AMOTL1: variants seen among roughly 807,000 people sequenced by gnomAD.
The protein encoded by AMOTL1 is angiomotin-like protein 1.
In AMOTL1, 45 loss-of-function variants were observed where a neutral mutation model predicts 102.9. The ratio of observed to expected loss-of-function variants is 0.44; its 90% CI spans 0.34 to 0.56. AMOTL1 has a LOEUF of 0.56. Ranked by LOEUF, AMOTL1 falls within the 20% of genes least tolerant of loss-of-function variation. The pLI is 0.01. For missense variants in AMOTL1, 1,114 were observed against 1,225.6 expected, an observed-to-expected ratio of 0.91 and a Z score of 1.36; for synonymous variants, 481 against 484.7, an observed-to-expected ratio of 0.99 and a Z score of 0.10.
chr11:94,840,684 A>G (rs977744912), intron 6 of AMOTL1, among the ~76,000 whole-genome samples: 1 of 78,818 alleles, frequency 1.3e-5, no homozygotes, highest in Non-Finnish European at 2.9e-5. Flanking sequence ...ATATATATAC[A>G]CACACACACA....
chr11:94,777,472 C>T (rs538803441), intron 1 of AMOTL1, among the ~76,000 whole-genome samples: 1 of 152,286 alleles, frequency 6.6e-6, no homozygotes, highest in Non-Finnish European at 1.5e-5. Flanking sequence ...CAAATTCTAA[C>T]ATTTCTTACT....
chr11:94,767,261 C>T (rs528695448), upstream of AMOTL1, among the ~76,000 whole-genome samples: 42 of 152,240 alleles, frequency 2.8e-4, no homozygotes, highest in African/African-American at 8.9e-4. Flanking sequence ...ATGGAGTAGG[C>T]ATTTCATAAA....
chr11:94,807,542 A>C (rs941620548), intron 3 of AMOTL1, among the ~76,000 whole-genome samples: 2 of 152,198 alleles, frequency 1.3e-5, no homozygotes, highest in African/African-American at 4.8e-5. Flanking sequence ...ACAGAAAACT[A>C]TCAAGAGTAG....
chr11:94,851,544 A>G (rs1227087199), intron 7 of AMOTL1, among the ~76,000 whole-genome samples: 1 of 152,206 alleles, frequency 6.6e-6, no homozygotes. Context: ...TCAGATACTG[A>G]GAGCCTACTG....
intron 8 of AMOTL1, among the ~76,000 whole-genome samples, chr11:94,857,518 A>G (rs553833385): frequency 6.6e-6 from 1 of 152,336 alleles, no homozygotes; most frequent in South Asian, 2.1e-4. Flanking sequence ...TGGGAGGTCA[A>G]ATAGTACTTC....
At chr11:94,780,365 T>C (rs1035210913) in intron 1 of AMOTL1, among the ~76,000 whole-genome samples, 17 of 152,222 alleles carry the variant, frequency 1.1e-4, no homozygotes, top group Non-Finnish European at 1.9e-4. Context: ...CCATGTAGCC[T>C]TTTGTTTTGT....
At chr11:94,732,750 G>T (rs1033273639) in intron 2 of AMOTL1, among the ~76,000 whole-genome samples, 1 of 152,198 alleles carries the variant, frequency 6.6e-6, no homozygotes, top group Non-Finnish European at 1.5e-5. Flanking sequence ...GAATCCTGCT[G>T]TCTGTCATCC....
In AMOTL1 at chr11:94,831,454, C is replaced by G; in HGVS notation, c.1561C>G (p.Arg521Gly). Residue 521 changes from arginine (R) to glycine (G), a missense_variant and splice_region_variant, in exon 6 of 13, where the codon CGA (arginine) becomes GGA (glycine). Arg to Gly is a moderately radical substitution (Grantham distance 125). Transcript: ENST00000433060. ...AATCATTTCCTCTTTGTTCATAGAT[C>G]GACTAGAGACTGCTAACAGGCAACT... ...LHDFNRDLRD[R>G]LETANRQLSS... The G allele has an allele frequency of 6.2e-7, 1 of 1,611,146 alleles. No individual in the cohort carries two copies. The highest frequency in any genetic ancestry group is 8.5e-7 in the Non-Finnish European group (1 of 1,178,364).
At chr11:94,815,989 T>C (rs1020942335) in intron 3 of AMOTL1, among the ~76,000 whole-genome samples, 2 of 152,138 alleles carry the variant, frequency 1.3e-5, no homozygotes, top group Non-Finnish European at 2.9e-5. Flanking sequence ...AAAGAGAAAT[T>C]ATTTATAATG....
At chr11:94,722,243 CT>C (rs1444371697) in intron 1 of AMOTL1, among the ~76,000 whole-genome samples, 1 of 152,052 alleles carries the variant, frequency 6.6e-6, no homozygotes, top group Non-Finnish European at 1.5e-5. Flanking sequence ...TTTTACACAT[CT>C]TTTTTTCAGA....
At chr11:94,729,588 C>A (rs544628500) in intron 2 of AMOTL1, among the ~76,000 whole-genome samples, 20 of 152,138 alleles carry the variant, frequency 1.3e-4, no homozygotes, top group Non-Finnish European at 2.8e-4. Context: ...GCAGAGCATA[C>A]AAATATAAGA....
At chr11:94,844,663 AC>A (rs1445647165) in intron 6 of AMOTL1, among the ~76,000 whole-genome samples, 1 of 152,192 alleles carries the variant, frequency 6.6e-6, no homozygotes, top group Non-Finnish European at 1.5e-5. Flanking sequence ...GCCTATTCCC[AC>A]AATAACCAAC....
At chr11:94,729,124 A>G in intron 2 of AMOTL1, 2 of 1,138,444 alleles carry the variant, frequency 1.8e-6, no homozygotes, top group African/African-American at 3.2e-5. Context: ...ATGTCAATCC[A>G]CTGTACTCAG....
At chr11:94,822,922 G>A (rs555352123) in intron 4 of AMOTL1, among the ~76,000 whole-genome samples, 4 of 152,330 alleles carry the variant, frequency 2.6e-5, no homozygotes, top group African/African-American at 7.2e-5. Flanking sequence ...TAGTAGTAGC[G>A]ATCCTCTAAG....
At chr11:94,750,229 G>T (rs1950635668) in intron 3 of AMOTL1, among the ~76,000 whole-genome samples, 1 of 152,212 alleles carries the variant, frequency 6.6e-6, no homozygotes, top group South Asian at 2.1e-4. Context: ...CATGCACAGA[G>T]TCAGTTCTGG....
intron 3 of AMOTL1, among the ~76,000 whole-genome samples, chr11:94,803,442 AG>A (rs900332151): frequency 1.3e-5 from 2 of 152,194 alleles, no homozygotes; most frequent in African/African-American, 4.8e-5. Context: ...CTAAGGCAGC[AG>A]GGGCCTGCAG....
At chr11:94,825,021 T>C (rs761665918) in intron 4 of AMOTL1, among the ~76,000 whole-genome samples, 9 of 152,218 alleles carry the variant, frequency 5.9e-5, no homozygotes, top group Non-Finnish European at 1.2e-4. Flanking sequence ...TGATTATCAC[T>C]GTTAATGTTG....
intron 3 of AMOTL1, among the ~76,000 whole-genome samples, chr11:94,741,441 A>C (rs902668909): frequency 1.3e-5 from 2 of 151,926 alleles, no homozygotes; most frequent in Non-Finnish European, 2.9e-5. Flanking sequence ...GAATTTAATG[A>C]AGTCAGGGGC....
chr11:94,848,407 T>G (rs568940334), intron 6 of AMOTL1, among the ~76,000 whole-genome samples: 7 of 152,180 alleles, frequency 4.6e-5, no homozygotes, highest in African/African-American at 1.7e-4. Context: ...GGTGGCCTCA[T>G]CTTGTTTTCA....
Sources: gnomAD v4.1 joint callset for allele counts (sites outside exome capture counted in the v4.1 genomes callset) on GRCh38, gnomAD v4.1.1 for gene constraint, MANE v1.5 for transcripts, NCBI Gene and HGNC (gene_info 2026-07-23, HGNC 2026-07-21) for gene names.